ACTL8: variants seen among roughly 807,000 people sequenced by gnomAD.
The protein encoded by ACTL8 is actin-like protein 8.
A neutral mutation model predicts 9.3 loss-of-function variants in ACTL8; 3 were observed. That is an observed-to-expected ratio of 0.32 (90% CI 0.15 to 0.83). ACTL8 has a LOEUF of 0.83. Ranked by LOEUF, ACTL8 falls within the 40% of genes least tolerant of loss-of-function variation. The pLI, the probability that ACTL8 is intolerant of heterozygous loss-of-function variation, is 0.57. For synonymous variants in ACTL8, 224 were observed against 205.9 expected, an observed-to-expected ratio of 1.09 and a Z score of -0.75; for missense variants, 381 against 492.2, an observed-to-expected ratio of 0.77 and a Z score of 2.14.
At chr1:17,782,221 G>C (rs751956793) in intron 1 of ACTL8, among the ~76,000 whole-genome samples, 1 of 144,246 alleles carries the variant, frequency 6.9e-6, no homozygotes, top group Non-Finnish European at 1.5e-5. Context: ...TTTGAGGACA[G>C]GGGGAGGGAA....
chr1:17,766,962 T>C (rs1204217851), intron 1 of ACTL8, among the ~76,000 whole-genome samples: 1 of 152,152 alleles, frequency 6.6e-6, no homozygotes, highest in Non-Finnish European at 1.5e-5. Flanking sequence ...TTTGCCCCCG[T>C]GCAGTTCCAT....
chr1:17,787,918 T>C (rs2066210529), intron 1 of ACTL8, among the ~76,000 whole-genome samples: 1 of 152,248 alleles, frequency 6.6e-6, no homozygotes. Flanking sequence ...AGAGATGTTA[T>C]TGGCCTTGTT....
intron 1 of ACTL8, among the ~76,000 whole-genome samples, chr1:17,819,129 C>T (rs753503195): frequency 3.9e-5 from 6 of 152,324 alleles, no homozygotes; most frequent in East Asian, 3.9e-4. Context: ...CCTTGCCATG[C>T]GCACCTTGTT....
intron 1 of ACTL8, among the ~76,000 whole-genome samples, chr1:17,774,180 C>A (rs559647126): frequency 6.6e-6 from 1 of 152,310 alleles, no homozygotes; most frequent in South Asian, 2.1e-4. Context: ...TTAGCTCCAG[C>A]AGGGGCTTGG....
At chr1:17,824,637 C>T (rs1242333471) in intron 2 of ACTL8, among the ~76,000 whole-genome samples, 3 of 152,152 alleles carry the variant, frequency 2.0e-5, no homozygotes, top group South Asian at 4.1e-4. Context: ...TTTCATATTG[C>T]ATGGGGCATA....
intron 1 of ACTL8, among the ~76,000 whole-genome samples, chr1:17,789,625 G>A (rs2066223858): frequency 6.6e-6 from 1 of 152,082 alleles, no homozygotes; most frequent in Admixed American, 6.5e-5. Context: ...GCACATGTTA[G>A]TGTTTTCCAT....
At chr1:17,787,275 C>G (rs892109063) in intron 1 of ACTL8, among the ~76,000 whole-genome samples, 1 of 150,986 alleles carries the variant, frequency 6.6e-6, no homozygotes, top group African/African-American at 2.4e-5. Flanking sequence ...CTAGTGCATT[C>G]TTTTTTTTTG....
rs2066010496 is a variant in ACTL8, at chr1:17,762,117, TGGGGA to T, written c.-25+6615_-25+6619del. 2.6e-5 allele frequency among the ~76,000 whole-genome samples: 4 copies of T among 152,030 alleles called. No homozygotes were observed. In the South Asian group the frequency reaches 8.3e-4, roughly 32 times the overall value. On this transcript the variant is annotated intron_variant, in intron 1 of 2. Transcript: ENST00000375406. ...GGAGCAAATGTGGCCTCCTGGTAGC[TGGGGA>T]GAGCCGTGAGATGGTTGGTGCTGGA...
chr1:17,762,664 G>A (rs796439785), intron 1 of ACTL8, among the ~76,000 whole-genome samples: 8 of 152,256 alleles, frequency 5.3e-5, no homozygotes, highest in African/African-American at 1.9e-4. Flanking sequence ...TGGGCTGCAG[G>A]TGGGAGCCCA....
intron 1 of ACTL8, among the ~76,000 whole-genome samples, chr1:17,812,219 T>C (rs953234127): frequency 9.2e-5 from 14 of 152,094 alleles, no homozygotes; most frequent in Non-Finnish European, 2.9e-5. Flanking sequence ...GTCTTCCAAC[T>C]TTGTTCTTTT....
intron 1 of ACTL8, among the ~76,000 whole-genome samples, chr1:17,763,627 C>T (rs1351881168): frequency 2.6e-5 from 4 of 152,222 alleles, no homozygotes; most frequent in Non-Finnish European, 5.9e-5. Context: ...CTCATTACGT[C>T]TTCCCCATCC....
At chr1:17,804,677 G>C (rs568931486) in intron 1 of ACTL8, among the ~76,000 whole-genome samples, 1 of 150,958 alleles carries the variant, frequency 6.6e-6, no homozygotes, top group Non-Finnish European at 1.5e-5. Context: ...GTGCCATCTC[G>C]GCTCACTGCA....
intron 1 of ACTL8, among the ~76,000 whole-genome samples, chr1:17,776,908 T>A (rs1276019184): frequency 1.4e-5 from 2 of 142,168 alleles, no homozygotes; most frequent in East Asian, 4.3e-4. Context: ...CAAGCAATCC[T>A]CCCACCTCTG....
chr1:17,799,653 T>C (rs1267844924), intron 1 of ACTL8, among the ~76,000 whole-genome samples: 1 of 152,180 alleles, frequency 6.6e-6, no homozygotes, highest in Non-Finnish European at 1.5e-5. Flanking sequence ...GTCTTGTTTT[T>C]AGAAGTCCTT....
chr1:17,822,045 A>G (rs1460433823), intron 1 of ACTL8, among the ~76,000 whole-genome samples: 1 of 152,134 alleles, frequency 6.6e-6, no homozygotes, highest in Non-Finnish European at 1.5e-5. Context: ...TGTTCTCCCC[A>G]CTTTACAGAT....
At chr1:17,824,945 G>A (rs1425473146) in intron 2 of ACTL8, among the ~76,000 whole-genome samples, 1 of 152,096 alleles carries the variant, frequency 6.6e-6, no homozygotes, top group Non-Finnish European at 1.5e-5. Context: ...TCCCACTGAG[G>A]GGAGACGATG....
At chr1:17,782,131 C>T (rs550481817) in intron 1 of ACTL8, among the ~76,000 whole-genome samples, 117 of 152,262 alleles carry the variant, frequency 7.7e-4, no homozygotes, top group African/African-American at 2.2e-3. Context: ...CACGAGCCCC[C>T]GCTACCCCAA....
intron 1 of ACTL8, among the ~76,000 whole-genome samples, chr1:17,808,476 T>TA (rs2066373356): frequency 6.6e-6 from 1 of 152,220 alleles, no homozygotes; most frequent in Admixed American, 6.5e-5. Context: ...AACCCACAGG[T>TA]ACGGATTTGA....
At chr1:17,824,774 G>T (rs1284277627) in intron 2 of ACTL8, among the ~76,000 whole-genome samples, 1 of 152,174 alleles carries the variant, frequency 6.6e-6, no homozygotes, top group Non-Finnish European at 1.5e-5. Context: ...GCCAGCCACT[G>T]CTCTAAGTGA....
Sources: gnomAD v4.1 joint callset for allele counts (sites outside exome capture counted in the v4.1 genomes callset) on GRCh38, gnomAD v4.1.1 for gene constraint, MANE v1.5 for transcripts, NCBI Gene and HGNC (gene_info 2026-07-23, HGNC 2026-07-21) for gene names.